The following BCKDHB variants were observed in gnomAD, a reference collection of about 807,000 sequenced individuals.
BCKDHB encodes 2-oxoisovalerate dehydrogenase subunit beta, mitochondrial.
Under a neutral mutation model 48.5 loss-of-function variants are expected in BCKDHB, and 41 were observed. The ratio of observed to expected loss-of-function variants is 0.85; its 90% CI spans 0.66 to 1.10. The LOEUF is 1.10. Ranked by LOEUF, BCKDHB falls within the 50% of genes least tolerant of loss-of-function variation. The pLI is 0.00. For missense variants in BCKDHB, 496 were observed against 494.2 expected, an observed-to-expected ratio of 1.00 and a Z score of -0.03; for synonymous variants, 201 against 174.8, an observed-to-expected ratio of 1.15 and a Z score of -1.18.
intron 1 of BCKDHB, chr6:80,127,207 CTG>C: frequency 3.2e-6 from 1 of 316,326 alleles, no homozygotes; most frequent in Non-Finnish European, 6.1e-6. Flanking sequence ...TAACACCTGT[CTG>C]TGCTTCTTCC....
rs1772297638 is a variant in BCKDHB, at chr6:80,161,177, C to T, written c.344-6501C>T. The stretch of plus-strand genomic sequence containing the variant: ...AACTTCTTTGAGCCTCCGAAACTTA[C>T]TGTGTCATTATAGACCCCAACTGCC... On this transcript the variant is annotated intron_variant, in intron 3 of 9. Transcript: ENST00000320393. Among the ~76,000 whole-genome samples, 2 of 152,268 alleles carry T rather than the reference C, an allele frequency of 1.3e-5. 1 individual carries two copies. The highest frequency in any genetic ancestry group is 4.1e-4 in the South Asian group (2 of 4,828).
intron 3 of BCKDHB, among the ~76,000 whole-genome samples, chr6:80,149,864 A>G (rs1771680086): frequency 6.6e-6 from 1 of 150,594 alleles, no homozygotes; most frequent in Non-Finnish European, 1.5e-5. Context: ...GCATTAGGAG[A>G]TATACCTAAT....
chr6:80,297,363 C>A (rs1359737048), intron 9 of BCKDHB, among the ~76,000 whole-genome samples: 1 of 152,124 alleles, frequency 6.6e-6, no homozygotes, highest in Non-Finnish European at 1.5e-5. Context: ...AAGTAAATGA[C>A]ATTACACATT....
intron 1 of BCKDHB, among the ~76,000 whole-genome samples, chr6:80,119,092 C>A (rs537137369): frequency 6.6e-6 from 1 of 152,226 alleles, no homozygotes; most frequent in South Asian, 2.1e-4. Context: ...GAGTTTGAGA[C>A]CAGCCTGGGC....
chr6:80,238,295 TG>T (rs1258993601), intron 8 of BCKDHB, among the ~76,000 whole-genome samples: 2 of 152,126 alleles, frequency 1.3e-5, no homozygotes, highest in African/African-American at 4.8e-5. Flanking sequence ...GACTGGGTTT[TG>T]CCATGTTGGC....
intron 4 of BCKDHB, among the ~76,000 whole-genome samples, chr6:80,168,025 A>G (rs777817695): frequency 3.9e-5 from 6 of 152,164 alleles, no homozygotes; most frequent in South Asian, 2.1e-4. Context: ...CACATCTGCA[A>G]TCCCAGCACT....
chr6:80,323,188 A>G (rs1768838640), intron 9 of BCKDHB, among the ~76,000 whole-genome samples: 1 of 152,092 alleles, frequency 6.6e-6, no homozygotes, highest in South Asian at 2.1e-4. Context: ...CACATGCTTA[A>G]TACCAGCATC....
At chr6:80,253,595 G>A (rs893097991) in intron 8 of BCKDHB, among the ~76,000 whole-genome samples, 11 of 151,890 alleles carry the variant, frequency 7.2e-5, no homozygotes, top group African/African-American at 2.4e-4. Context: ...GAAAAATTAC[G>A]TAAAGGAGAA....
the BCKDHB span, among the ~76,000 whole-genome samples, chr6:80,431,372 C>A: frequency 6.6e-6 from 1 of 152,074 alleles, no homozygotes; most frequent in Non-Finnish European, 1.5e-5. Context: ...TCCTGAATAT[C>A]CTTGTTAATT....
the BCKDHB span, chr6:80,356,886 A>T: frequency 7.7e-6 from 1 of 129,696 alleles, no homozygotes; most frequent in Non-Finnish European, 1.6e-5. Context: ...GTCACCCCCG[A>T]CTCCTTCTGC....
At chr6:80,119,129 A>T (rs1231127930) in intron 1 of BCKDHB, among the ~76,000 whole-genome samples, 6 of 152,138 alleles carry the variant, frequency 3.9e-5, no homozygotes, top group Admixed American at 3.9e-4. Context: ...GCTCTACTAA[A>T]AATACAAAAA....
intron 9 of BCKDHB, among the ~76,000 whole-genome samples, chr6:80,325,469 C>T (rs1441285234): frequency 1.3e-5 from 2 of 152,182 alleles, no homozygotes; most frequent in East Asian, 3.8e-4. Flanking sequence ...TTAAATGACT[C>T]TCAAAGCCTC....
At chr6:80,331,945 C>G (rs536164946) in intron 9 of BCKDHB, among the ~76,000 whole-genome samples, 1 of 150,996 alleles carries the variant, frequency 6.6e-6, no homozygotes, top group South Asian at 2.2e-4. Flanking sequence ...CAATTGTAAG[C>G]ATGCTCATTT....
intron 9 of BCKDHB, among the ~76,000 whole-genome samples, chr6:80,290,327 A>G (rs1361944035): frequency 6.6e-6 from 1 of 152,178 alleles, no homozygotes; most frequent in African/African-American, 2.4e-5. Context: ...TTCCTCCTGC[A>G]GCCCCTGATC....
At chr6:80,322,540 G>T (rs998155127) in intron 9 of BCKDHB, among the ~76,000 whole-genome samples, 3 of 152,030 alleles carry the variant, frequency 2.0e-5, no homozygotes, top group Non-Finnish European at 4.4e-5. Context: ...CCTGGCAGAC[G>T]TGTGTTTTCT....
At chr6:80,110,313 T>C (rs775136391) in intron 1 of BCKDHB, among the ~76,000 whole-genome samples, 2 of 152,208 alleles carry the variant, frequency 1.3e-5, no homozygotes, top group Non-Finnish European at 2.9e-5. Flanking sequence ...AAGGATGTGA[T>C]CATGGACCTG....
the BCKDHB span, among the ~76,000 whole-genome samples, chr6:80,375,697 G>A: frequency 6.6e-6 from 1 of 152,050 alleles, no homozygotes; most frequent in South Asian, 2.1e-4. Context: ...TGGTGAGCTA[G>A]TATGATCTCT....
intron 9 of BCKDHB, among the ~76,000 whole-genome samples, chr6:80,285,944 CTG>C (rs3840383): frequency 2.0e-5 from 3 of 151,412 alleles, no homozygotes; most frequent in African/African-American, 4.9e-5. Context: ...AAGTGTGTCT[CTG>C]TGTGTGTGTG....
chr6:80,328,548 A>T (rs1333981771), intron 9 of BCKDHB, among the ~76,000 whole-genome samples: 1 of 152,228 alleles, frequency 6.6e-6, no homozygotes, highest in East Asian at 1.9e-4. Flanking sequence ...TTTATAAGAG[A>T]TCAGTGCATA....
Sources: allele counts gnomAD v4.1 joint callset (sites outside exome capture counted in the v4.1 genomes callset), GRCh38; gene constraint gnomAD v4.1.1; transcripts MANE v1.5; gene names NCBI Gene and HGNC (gene_info 2026-07-23, HGNC 2026-07-21).